FBN3: variants seen among roughly 807,000 people sequenced by gnomAD.
FBN3 encodes the protein fibrillin-3.
Under a neutral mutation model 330.1 loss-of-function variants are expected in FBN3, and 234 were observed. The ratio of observed to expected loss-of-function variants is 0.71; its 90% confidence interval spans 0.64 to 0.79. FBN3 has a LOEUF of 0.79. FBN3 is among the 30% of genes least tolerant of loss of function. The pLI is 0.00. For missense variants in FBN3, 3,606 were observed against 3,886.9 expected, an observed-to-expected ratio of 0.93 and a Z score of 1.92; for synonymous variants, 1,458 against 1,517.3, an observed-to-expected ratio of 0.96 and a Z score of 0.91.
intron 63 of FBN3, among the ~76,000 whole-genome samples, chr19:8,068,601 T>C (rs961316336): frequency 6.6e-6 from 1 of 150,666 alleles, no homozygotes; most frequent in African/African-American, 2.4e-5. Context: ...ACTTGGGGGA[T>C]TGAGGCGGGA....
chr19:8,112,231 G>C, intron 30 of FBN3, 132 bp from the exon 31 acceptor site: 1 of 897,410 alleles, frequency 1.1e-6, no homozygotes, highest in Non-Finnish European at 1.7e-6. Flanking sequence ...CCATTCACCT[G>C]GGGAGCTTCC....
intron 42 of FBN3, 119 bp downstream of exon 42, chr19:8,097,170 G>C: frequency 6.8e-7 from 1 of 1,468,364 alleles, no homozygotes; most frequent in Non-Finnish European, 9.2e-7. Context: ...AAAGGTGTTA[G>C]CCCATTATAC....
intron 26 of FBN3, 68 bp downstream of exon 26, chr19:8,118,829 C>G: frequency 6.4e-7 from 1 of 1,560,126 alleles, no homozygotes; most frequent in Non-Finnish European, 8.8e-7. Flanking sequence ...CCCACATTCA[C>G]CAGACATCCA....
chr19:8,094,931 A>C (rs1298117968), intron 46 of FBN3, among the ~76,000 whole-genome samples: 2 of 152,206 alleles, frequency 1.3e-5, no homozygotes, highest in Non-Finnish European at 2.9e-5. Flanking sequence ...CAAACCCCAT[A>C]CATAGAAACA....
intron 63 of FBN3, among the ~76,000 whole-genome samples, chr19:8,070,012 A>G (rs760812154): frequency 9.9e-5 from 15 of 151,916 alleles, no homozygotes; most frequent in Non-Finnish European, 1.9e-4. Flanking sequence ...CCACTCACTC[A>G]CTCTTATTGA....
intron 13 of FBN3, among the ~76,000 whole-genome samples, chr19:8,133,490 G>A (rs984196463): frequency 2.0e-5 from 3 of 150,916 alleles, no homozygotes; most frequent in Admixed American, 6.6e-5. Context: ...TCGCTCTGTC[G>A]CCCAGGCTGG....
chr19:8,088,482 C>T (rs2082017866), intron 51 of FBN3, among the ~76,000 whole-genome samples: 1 of 151,862 alleles, frequency 6.6e-6, no homozygotes, highest in Non-Finnish European at 1.5e-5. Flanking sequence ...GCAGGAGGGT[C>T]ATTTGAGCCC....
intron 13 of FBN3, 25 bp downstream of exon 13, chr19:8,135,936 G>GGGGGGGGGGGCGGGCCCCCCCCCCC: frequency 1.5e-6 from 1 of 668,778 alleles, no homozygotes; most frequent in East Asian, 3.9e-5. Flanking sequence ...GGAAGCCCCT[G>GGGGGGGGGGGCGGGCCCCCCCCCCC]CCCACCCGCC....
In FBN3 at chr19:8,102,779, G is replaced by A. The variant is rs141267322; in HGVS notation, c.5034C>T (p.Tyr1678=). ...NVTRKMCCCS[Y]NIGQAWNRPC... ...GTCTATTCCAGGCCTGGCCAATGTTGTAGGAGCAGCAACACATTTTCCGGG... is the reference window on the plus strand; with the variant it reads ...GTCTATTCCAGGCCTGGCCAATGTTATAGGAGCAGCAACACATTTTCCGGG... The change falls in exon 40 of 64, where the codon TAC becomes TAT. Residue 1678 remains tyrosine, a synonymous_variant. Transcript: ENST00000600128. The A allele has an allele frequency of 3.6e-5, 58 of 1,613,988 alleles. No homozygotes were observed. The African/African-American group carries it at 6.7e-4, about 19-fold the overall frequency.
At position 8,142,100 on chromosome 19, in the gene FBN3, G is replaced by A. The variant is rs35460337; in HGVS notation, c.579C>T (p.Pro193=). The A allele has an allele frequency of 1.2e-5, 19 of 1,612,824 alleles. No homozygotes were observed. The highest frequency in any genetic ancestry group is 8.0e-5 in the African/African-American group (6 of 74,894). Residue 193 remains proline (P), a synonymous_variant, in exon 7 of 64, where the codon CCC becomes CCT. Coordinates refer to ENST00000600128, the MANE Select transcript of FBN3 (RefSeq NM_032447.5). ...RTGPCFGQVG[P]EGCQHQLTGL... is the part of the protein sequence containing the mutation. ...CCGTCAGCTGATGCTGGCACCCCTCGGGGCCTACTTGGCCAAAGCAGGGTC... is the reference window on the plus strand; with the variant it reads ...CCGTCAGCTGATGCTGGCACCCCTCAGGGCCTACTTGGCCAAAGCAGGGTC...
Position 8,072,094 on chromosome 19 carries a change from A to G in FBN3, c.8042T>C (p.Leu2681Pro). The G allele has an allele frequency of 6.2e-7, 1 of 1,612,430 alleles. No individual in the cohort carries two copies. The highest frequency in any genetic ancestry group is 2.2e-5 in the East Asian group (1 of 44,740). Residue 2681 changes from leucine to proline, a missense_variant, in exon 63 of 64, where the codon CTC (leucine) becomes CCC (proline). Leu to Pro is a moderately conservative substitution (Grantham distance 98). Coordinates refer to ENST00000600128, the MANE Select transcript of FBN3 (RefSeq NM_032447.5). ...GCGTCGTGGCCGGTCCCGAGGGGAG[A>G]GGCCATTGATCTTGCATTCGTAGCA... ...EACYECKING[L>P]SPRDRPRRSA...
chr19:8,133,744 G>A (rs2083210750), intron 13 of FBN3, among the ~76,000 whole-genome samples: 1 of 151,906 alleles, frequency 6.6e-6, no homozygotes, highest in Non-Finnish European at 1.5e-5. Flanking sequence ...GAGCCACCGC[G>A]CCCAACCTCT....
At chr19:8,134,076 A>G (rs1464143666) in intron 13 of FBN3, among the ~76,000 whole-genome samples, 2 of 150,358 alleles carry the variant, frequency 1.3e-5, no homozygotes, top group African/African-American at 4.9e-5. Flanking sequence ...AATACAAAAA[A>G]AAAAAGAAAA....
chr19:8,073,693 T>G lies in FBN3; in HGVS notation c.7703-396A>C, dbSNP rs553352397. On this transcript the variant is annotated intron_variant, in intron 61 of 63. Coordinates refer to ENST00000600128, the MANE Select transcript of FBN3 (RefSeq NM_032447.5). ...AAACCTATCCGCCTCCAATTGTCTG[T>G]TTGGAGTTGGGAGTCTCACTCTGTT... Among the ~76,000 whole-genome samples, 3 of 152,302 alleles carry G rather than the reference T, an allele frequency of 2.0e-5. No homozygotes were observed. The East Asian group carries it at 5.8e-4, about 29-fold the overall frequency.
At chr19:8,085,019 T>C (rs142039230) in intron 56 of FBN3, among the ~76,000 whole-genome samples, 1,526 of 152,188 alleles carry the variant, frequency 0.01, 17 homozygotes, top group Non-Finnish European at 0.016. Flanking sequence ...CCCAAAGTGC[T>C]GGGATGACAG....
intron 5 of FBN3, among the ~76,000 whole-genome samples, chr19:8,145,253 A>G (rs955012271): frequency 1.3e-5 from 2 of 151,778 alleles, no homozygotes; most frequent in African/African-American, 4.8e-5. Context: ...CGGCTCTTTT[A>G]ATCCCAGCTA....
chr19:8,132,554 C>T (rs1306866983), intron 14 of FBN3, among the ~76,000 whole-genome samples: 5 of 151,618 alleles, frequency 3.3e-5, no homozygotes, highest in African/African-American at 4.8e-5. Flanking sequence ...TGCAATGGCG[C>T]GATCTCGGCT....
At chr19:8,092,579 G>A (rs1396287454) in intron 47 of FBN3, among the ~76,000 whole-genome samples, 1 of 151,776 alleles carries the variant, frequency 6.6e-6, no homozygotes, top group African/African-American at 2.4e-5. Context: ...TGGGCATTGT[G>A]GCGGGGCGCA....
Position 8,149,263 on chromosome 19 carries a change from G to T in FBN3, c.-18+186C>A, listed in dbSNP as rs1258116109. Reference sequence around the variant, plus strand: ...CGAGCCCCTCCCGCCGGGTCCCCGCGCCCCCACTCCCCACTGCGGCGGGCG... The same window carrying T: ...CGAGCCCCTCCCGCCGGGTCCCCGCTCCCCCACTCCCCACTGCGGCGGGCG... On this transcript the variant is annotated intron_variant, in intron 1 of 63. Transcript: ENST00000600128. The surrounding 1 kb of genome is among the most constrained non-coding windows in gnomAD (Gnocchi z 5.5). Among the ~76,000 whole-genome samples, 2 of 151,400 alleles carry T rather than the reference G, an allele frequency of 1.3e-5. No homozygotes were observed. Among genetic ancestry groups the T allele is most frequent in the Non-Finnish European group, 3.0e-5 (2 of 67,792 alleles).
Sources: allele counts gnomAD v4.1 joint callset (sites outside exome capture counted in the v4.1 genomes callset), GRCh38; gene constraint gnomAD v4.1.1; non-coding constraint Gnocchi (gnomAD v3.1); transcripts MANE v1.5; gene names NCBI Gene and HGNC (gene_info 2026-07-23, HGNC 2026-07-21).